KCNH8: variants seen among roughly 807,000 people sequenced by gnomAD.
KCNH8 encodes potassium voltage-gated channel subfamily H member 8.
KCNH8 carries 70 observed loss-of-function variants against 103.6 expected under a neutral mutation model. The ratio of observed to expected loss-of-function variants is 0.68; its 90% CI spans 0.56 to 0.82. The LOEUF is 0.82. KCNH8 is among the 40% of genes least tolerant of loss of function. The pLI is 0.00. For synonymous variants in KCNH8, 498 were observed against 489.4 expected, an observed-to-expected ratio of 1.02 and a Z score of -0.23; for missense variants, 1,217 against 1,329.9, an observed-to-expected ratio of 0.92 and a Z score of 1.32.
chr3:19,441,256 G>C (rs1317684705), intron 8 of KCNH8, among the ~76,000 whole-genome samples: 1 of 152,154 alleles, frequency 6.6e-6, no homozygotes, highest in African/African-American at 2.4e-5. Flanking sequence ...TCTATGTTCT[G>C]ATAACTGCAC....
intron 2 of KCNH8, among the ~76,000 whole-genome samples, chr3:19,277,453 A>G (rs1378595747): frequency 6.6e-6 from 1 of 152,032 alleles, no homozygotes; most frequent in Non-Finnish European, 1.5e-5. Flanking sequence ...AGTCCTAGCT[A>G]CTTGGGAGGC....
chr3:19,234,203 A>AGG (rs1222077222), intron 1 of KCNH8, among the ~76,000 whole-genome samples: 1 of 152,198 alleles, frequency 6.6e-6, no homozygotes, highest in Non-Finnish European at 1.5e-5. Flanking sequence ...TACCAGACTC[A>AGG]GGAGCCCAGC....
intron 1 of KCNH8, among the ~76,000 whole-genome samples, chr3:19,251,650 C>T (rs913020515): frequency 1.3e-5 from 2 of 152,096 alleles, no homozygotes; most frequent in African/African-American, 2.4e-5. Flanking sequence ...TACCTTCTTT[C>T]CCATGGCAGG....
At chr3:19,505,061 ATCTC>A (rs2068665700) in intron 11 of KCNH8, among the ~76,000 whole-genome samples, 1 of 148,686 alleles carries the variant, frequency 6.7e-6, no homozygotes, top group Non-Finnish European at 1.5e-5. Flanking sequence ...TACACACACA[ATCTC>A]TATATATGTA....
intron 1 of KCNH8, among the ~76,000 whole-genome samples, chr3:19,201,119 C>A (rs779692219): frequency 6.7e-6 from 1 of 148,426 alleles, no homozygotes; most frequent in Non-Finnish European, 1.5e-5. Context: ...GTTATCCCAG[C>A]TACTAGGAAG....
chr3:19,449,307 T>TAC, intron 8 of KCNH8, among the ~76,000 whole-genome samples: 1 of 150,764 alleles, frequency 6.6e-6, no homozygotes, highest in Admixed American at 6.6e-5. Flanking sequence ...TATATATATA[T>TAC]ATATATATAT....
chr3:19,299,504 T>C (rs1047766908), intron 3 of KCNH8, among the ~76,000 whole-genome samples: 1 of 152,186 alleles, frequency 6.6e-6, no homozygotes, highest in African/African-American at 2.4e-5. Flanking sequence ...GTGTCTCGTC[T>C]TGTTTTTCAT....
chr3:19,160,174 C>T (rs1176328786), intron 1 of KCNH8, among the ~76,000 whole-genome samples: 2 of 152,076 alleles, frequency 1.3e-5, no homozygotes, highest in Non-Finnish European at 2.9e-5. Flanking sequence ...GCTGAATAAG[C>T]ATCAGCATGT....
chr3:19,517,236 C>T (rs981319533), intron 14 of KCNH8, among the ~76,000 whole-genome samples: 4 of 152,002 alleles, frequency 2.6e-5, no homozygotes, highest in Admixed American at 6.6e-5. Flanking sequence ...TTCAATCATT[C>T]GTTGAATGAA....
At chr3:19,306,893 T>A (rs1021096772) in intron 3 of KCNH8, among the ~76,000 whole-genome samples, 2 of 151,904 alleles carry the variant, frequency 1.3e-5, no homozygotes, top group South Asian at 2.1e-4. Flanking sequence ...CACAGACACA[T>A]AAACCCCAAA....
chr3:19,472,118 G>C (rs1244664174), intron 11 of KCNH8, among the ~76,000 whole-genome samples: 1 of 150,730 alleles, frequency 6.6e-6, no homozygotes, highest in Non-Finnish European at 1.5e-5. Flanking sequence ...ATTCATTTTT[G>C]CAATTCTTTT....
intron 5 of KCNH8, among the ~76,000 whole-genome samples, chr3:19,377,384 A>T (rs1213938419): frequency 6.6e-6 from 1 of 152,210 alleles, no homozygotes; most frequent in African/African-American, 2.4e-5. Flanking sequence ...GGTCAATTTC[A>T]GGTAATCTGG....
At chr3:19,511,587 TC>T (rs2068783864) in intron 12 of KCNH8, among the ~76,000 whole-genome samples, 1 of 152,104 alleles carries the variant, frequency 6.6e-6, no homozygotes, top group Admixed American at 6.6e-5. Context: ...ATACAAATGT[TC>T]CCCTGTAATT....
At chr3:19,327,980 T>C (rs2065453478) in intron 3 of KCNH8, among the ~76,000 whole-genome samples, 1 of 152,212 alleles carries the variant, frequency 6.6e-6, no homozygotes, top group South Asian at 2.1e-4. Flanking sequence ...TAAGAGATGC[T>C]CAATAAGTGT....
intron 3 of KCNH8, among the ~76,000 whole-genome samples, chr3:19,330,999 T>G (rs1055920899): frequency 2.6e-5 from 4 of 152,108 alleles, no homozygotes; most frequent in African/African-American, 9.7e-5. Context: ...CAGAAAGACA[T>G]AAATCTCCAA....
intron 1 of KCNH8, among the ~76,000 whole-genome samples, chr3:19,208,849 C>G (rs77264438): frequency 0.041 from 6,159 of 151,764 alleles, 430 homozygotes; most frequent in African/African-American, 0.14. Flanking sequence ...GACGGGAAAA[C>G]GGGGGTTGAA....
chr3:19,225,809 T>C lies in KCNH8; in HGVS notation c.77-27845T>C, dbSNP rs374001610. ...TCGGATAATATTTATGTCCACAATA[T>C]GGACCTAAAATTCACAAAAATTAAA... On this transcript the variant is annotated intron_variant, in intron 1 of 15. Transcript: ENST00000328405. 9.8e-5 allele frequency among the ~76,000 whole-genome samples: 15 copies of C among 152,336 alleles called. 2 individuals are homozygous for C. Among genetic ancestry groups the C allele is most frequent in the East Asian group, 5.8e-4 (3 of 5,192 alleles).
intron 3 of KCNH8, among the ~76,000 whole-genome samples, chr3:19,297,200 T>C (rs1026154348): frequency 6.6e-6 from 1 of 152,196 alleles, no homozygotes; most frequent in Non-Finnish European, 1.5e-5. Context: ...GGCAAAGCTC[T>C]TATCACATTG....
At chr3:19,263,813 T>C (rs1015960396) in intron 2 of KCNH8, among the ~76,000 whole-genome samples, 4 of 152,090 alleles carry the variant, frequency 2.6e-5, no homozygotes, top group Non-Finnish European at 5.9e-5. Context: ...AACTTCAATA[T>C]CTAGTTTCCT....
Sources: allele counts gnomAD v4.1 joint callset (sites outside exome capture counted in the v4.1 genomes callset), GRCh38; gene constraint gnomAD v4.1.1; transcripts MANE v1.5; gene names NCBI Gene and HGNC (gene_info 2026-07-23, HGNC 2026-07-21).